CELF2: variants seen among roughly 807,000 people sequenced by gnomAD.
The protein encoded by CELF2 is CUG triplet repeat RNA-binding protein 2.
In CELF2, 8 loss-of-function variants were observed where a neutral mutation model predicts 62.6. That is an observed-to-expected ratio of 0.13 (90% confidence interval 0.07 to 0.23). The LOEUF (loss-of-function observed/expected upper bound fraction) is 0.23, where lower values mean the gene tolerates loss of function less well. Ranked by LOEUF, CELF2 falls within the 10% of genes least tolerant of loss-of-function variation. CELF2 has a pLI of 1.00. For synonymous variants in CELF2, 258 were observed against 250.0 expected (o/e 1.03, Z -0.30); for missense variants, 333 against 671.0 (o/e 0.50, Z 5.56).
In CELF2 at chr10:11,057,970, T is replaced by G. The variant is rs2065719772; in HGVS notation, c.74+39807T>G. Among the ~76,000 whole-genome samples, 5 of 152,184 alleles carry G rather than the reference T, an allele frequency of 3.3e-5. No individual in the cohort carries two copies. The South Asian group carries it at 1.0e-3, about 32-fold the overall frequency. On this transcript the variant is annotated intron_variant, in intron 1 of 12. Coordinates refer to ENST00000633077, the MANE Select transcript of CELF2 (RefSeq NM_001326342.2). ...AGCTTTTTCTTCTTCCTCTTAATTT[T>G]TTTTTAGTCTAGCTTTTAGATTGCC... is the stretch of plus-strand genomic sequence containing the variant.
At chr10:10,821,449 G>A (rs1162711662) in intron 1 of CELF2, among the ~76,000 whole-genome samples, 2 of 152,204 alleles carry the variant, frequency 1.3e-5, no homozygotes, top group Non-Finnish European at 2.9e-5. Context: ...TCCCTGCCAT[G>A]TGTATTTAAT....
the CELF2 span, among the ~76,000 whole-genome samples, chr10:10,727,844 T>A: frequency 8.5e-5 from 13 of 152,118 alleles, no homozygotes; most frequent in African/African-American, 3.1e-4. Flanking sequence ...CTTTATGGTA[T>A]ACAGTTACTT....
intron 2 of CELF2, among the ~76,000 whole-genome samples, chr10:10,921,559 T>C (rs948238424): frequency 1.3e-5 from 2 of 152,092 alleles, no homozygotes; most frequent in Admixed American, 6.5e-5. Context: ...TGAGCCACCG[T>C]GCCTGGCCAT....
At chr10:11,250,409 C>G (rs1238368722) in intron 4 of CELF2, among the ~76,000 whole-genome samples, 5 of 152,234 alleles carry the variant, frequency 3.3e-5, no homozygotes, top group African/African-American at 1.2e-4. Context: ...GTCTTCTCCT[C>G]AGCCCTGCAC....
intron 2 of CELF2, among the ~76,000 whole-genome samples, chr10:10,951,572 T>C (rs188270741): frequency 3.9e-5 from 6 of 152,366 alleles, no homozygotes; most frequent in African/African-American, 1.2e-4. Flanking sequence ...CATGCCATTT[T>C]ACTCCTCCAA....
At chr10:10,588,680 A>G in the CELF2 span, among the ~76,000 whole-genome samples, 1 of 152,360 alleles carries the variant, frequency 6.6e-6, no homozygotes, top group African/African-American at 2.4e-5. Context: ...AAAGAAGTAT[A>G]TGAGATTTAC....
intron 2 of CELF2, among the ~76,000 whole-genome samples, chr10:11,201,278 T>C (rs2059153694): frequency 6.6e-6 from 1 of 152,218 alleles, no homozygotes; most frequent in African/African-American, 2.4e-5. Context: ...CTGTCAGTAT[T>C]TTCGCAGACC....
the CELF2 span, among the ~76,000 whole-genome samples, chr10:10,786,239 G>GGAC: frequency 6.6e-6 from 1 of 152,080 alleles, no homozygotes; most frequent in Admixed American, 6.5e-5. Flanking sequence ...AGTGACACAG[G>GGAC]GACAATACAT....
Position 11,005,529 on chromosome 10 carries a change from T to A in CELF2, c.53+89T>A. On this transcript the variant is annotated intron_variant, in intron 1 of 12. Transcript: ENST00000416382. The surrounding 1 kb of genome is among the most constrained non-coding windows in gnomAD (Gnocchi z 4.3). ...ATAATTATGCTCTGAATCAAGTAGC[T>A]TCCTTACCTTAGAAGAGAAGGGGGG... 6.3e-7 allele frequency: 1 copy of A among 1,590,214 alleles called. No individual in the cohort carries two copies. The highest frequency in any genetic ancestry group is 8.6e-7 in the Non-Finnish European group (1 of 1,159,440).
chr10:11,306,559 G>C lies in CELF2; in HGVS notation c.977-7580G>C, dbSNP rs572333812. On this transcript the variant is annotated intron_variant, in intron 9 of 12. Transcript: ENST00000633077. This position sits in a 1 kb window ranked among gnomAD's most constrained non-coding sequence, Gnocchi z 4.4. The stretch of plus-strand genomic sequence containing the variant: ...GTTTTTCTTATGCTTTAAATTATTT[G>C]TTAACATTCAGAAGGTTCTTAAAGG... Among the ~76,000 whole-genome samples the C allele has an allele frequency of 2.0e-5, 3 of 152,072 alleles. No individual in the cohort carries two copies. The highest frequency in any genetic ancestry group is 7.2e-5 in the African/African-American group (3 of 41,412).
intron 1 of CELF2, among the ~76,000 whole-genome samples, chr10:10,800,920 A>G (rs2054596370): frequency 2.0e-5 from 3 of 152,154 alleles, no homozygotes; most frequent in South Asian, 2.1e-4. Flanking sequence ...GTGCTTTCAA[A>G]CAATTTTTCT....
At chr10:11,123,054 T>C (rs1256463794) in intron 1 of CELF2, among the ~76,000 whole-genome samples, 2 of 151,860 alleles carry the variant, frequency 1.3e-5, no homozygotes, top group African/African-American at 4.8e-5. Context: ...GGCAAATACA[T>C]TGTACATCCA....
chr10:10,807,878 A>G (rs1194514720), intron 1 of CELF2, among the ~76,000 whole-genome samples: 1 of 152,186 alleles, frequency 6.6e-6, no homozygotes, highest in East Asian at 1.9e-4. Context: ...GACTCAGTTC[A>G]TTAGGATGGT....
chr10:10,626,525 A>G, the CELF2 span, among the ~76,000 whole-genome samples: 15 of 152,190 alleles, frequency 9.9e-5, no homozygotes, highest in Admixed American at 9.2e-4. Flanking sequence ...GAAAAAAAAA[A>G]GATTACAAAT....
chr10:11,136,228 G>A (rs1290284571), intron 1 of CELF2, among the ~76,000 whole-genome samples: 2 of 152,190 alleles, frequency 1.3e-5, no homozygotes, highest in African/African-American at 4.8e-5. Context: ...GTACTATGCT[G>A]ACTACTTGAG....
chr10:11,262,940 C>CTTTTTTTTGTTTTTTTTTTTTTT (rs2081125252), intron 5 of CELF2, among the ~76,000 whole-genome samples: 1 of 52,766 alleles, frequency 1.9e-5, no homozygotes, highest in East Asian at 9.7e-4. Context: ...AGTGGCTTTA[C>CTTTTTTTTGTTTTTTTTTTTTTT]TTTTTTTTTT....
chr10:11,097,364 GTCT>G (rs1250703671), intron 1 of CELF2: 1 of 152,188 alleles, frequency 6.6e-6, no homozygotes, highest in Non-Finnish European at 1.5e-5. Context: ...ACTTTGTCCA[GTCT>G]TCTTAGGTAT....
rs557319624 is a variant in CELF2, at chr10:11,095,181, G to A, written c.75-70305G>A. On this transcript the variant is annotated intron_variant, in intron 1 of 12. Coordinates refer to ENST00000633077, the MANE Select transcript of CELF2 (RefSeq NM_001326342.2). ...ACTTTGCGTAGGGGGTTTACAAAGC[G>A]AAGTTTCTTCCTATGATTGTTAACC... 9.2e-5 allele frequency among the ~76,000 whole-genome samples: 14 copies of A among 152,230 alleles called. No individual in the cohort carries two copies. The East Asian group carries it at 1.7e-3, about 19-fold the overall frequency.
chr10:10,728,633 CAGG>C, the CELF2 span, among the ~76,000 whole-genome samples: 1 of 152,028 alleles, frequency 6.6e-6, no homozygotes, highest in East Asian at 1.9e-4. Context: ...TGGGGGACAG[CAGG>C]AGGACTTTTG....
Sources: allele counts gnomAD v4.1 joint callset (sites outside exome capture counted in the v4.1 genomes callset), GRCh38; gene constraint gnomAD v4.1.1; non-coding constraint Gnocchi (gnomAD v3.1); transcripts MANE v1.5; gene names NCBI Gene and HGNC (gene_info 2026-07-23, HGNC 2026-07-21).